The following ATF2 variants were observed in gnomAD, a reference collection of about 807,000 sequenced individuals.
ATF2 encodes the protein cyclic AMP-dependent transcription factor ATF-2.
A neutral mutation model predicts 60.6 loss-of-function variants in ATF2; 24 were observed. That is an observed-to-expected ratio of 0.40 (90% CI 0.29 to 0.56). The LOEUF is 0.56. Among genes scored for constraint, ATF2 ranks in the 20% least tolerant of loss-of-function variants. ATF2 has a pLI of 0.54. For missense variants in ATF2, 433 were observed against 607.7 expected (o/e 0.71, Z 3.02); for synonymous variants, 206 against 215.4 (o/e 0.96, Z 0.38).
chr2:175,131,349 C>T (rs1697712094), intron 3 of ATF2, among the ~76,000 whole-genome samples: 1 of 152,168 alleles, frequency 6.6e-6, no homozygotes, highest in Admixed American at 6.5e-5. Context: ...AACGGAAAAT[C>T]ATCAACTCTT....
chr2:175,161,174 G>A (rs1377684998), intron 1 of ATF2, among the ~76,000 whole-genome samples: 1 of 152,140 alleles, frequency 6.6e-6, no homozygotes, highest in Non-Finnish European at 1.5e-5. Flanking sequence ...AAAAAAATAT[G>A]AGACATTCTC....
Position 175,140,955 on chromosome 2 carries a change from C to A in ATF2, c.-43-4469G>T, listed in dbSNP as rs1427332319. Among the ~76,000 whole-genome samples the A allele has an allele frequency of 2.4e-5, 3 of 126,306 alleles. No homozygotes were observed. The East Asian group carries it at 7.5e-4, about 32-fold the overall frequency. 82.9% of individuals were successfully genotyped at this position (126,306 alleles called of 152,430 possible). On this transcript the variant is annotated intron_variant, in intron 2 of 13. Transcript: ENST00000264110. ...GAGACTGCAGTGAACTATGCTCTTGCCAATACACTCCAGCCTGGGGGATAG... is the reference window on the plus strand; with the variant it reads ...GAGACTGCAGTGAACTATGCTCTTGACAATACACTCCAGCCTGGGGGATAG...
intron 1 of ATF2, among the ~76,000 whole-genome samples, chr2:175,157,065 C>A (rs1422364052): frequency 6.6e-6 from 1 of 152,164 alleles, no homozygotes; most frequent in East Asian, 1.9e-4. Flanking sequence ...AAAGGGCATA[C>A]AATTTCCAGC....
At chr2:175,079,363 G>C (rs750929802) in intron 13 of ATF2, among the ~76,000 whole-genome samples, 14 of 151,982 alleles carry the variant, frequency 9.2e-5, no homozygotes, top group African/African-American at 3.1e-4. Flanking sequence ...AGAAAATCAC[G>C]TATGCATAAA....
intron 1 of ATF2, among the ~76,000 whole-genome samples, chr2:175,153,966 T>C (rs1283609639): frequency 6.6e-6 from 1 of 151,708 alleles, no homozygotes; most frequent in African/African-American, 2.4e-5. Context: ...ACGCCTGTAA[T>C]CCCAGCACTT....
intron 10 of ATF2, among the ~76,000 whole-genome samples, chr2:175,099,932 A>G (rs1237458721): frequency 6.6e-6 from 1 of 152,252 alleles, no homozygotes; most frequent in Non-Finnish European, 1.5e-5. Flanking sequence ...TCAAAAAACA[A>G]TCATAAGGAT....
chr2:175,101,855 A>G (rs1050652751), intron 10 of ATF2, among the ~76,000 whole-genome samples: 3 of 152,200 alleles, frequency 2.0e-5, no homozygotes, highest in Admixed American at 2.0e-4. Flanking sequence ...TATACAACAG[A>G]AGAAAAAGAT....
In ATF2 at chr2:175,145,380, T is replaced by C. The variant is rs1698880861; in HGVS notation, c.-44+5680A>G. Among the ~76,000 whole-genome samples, 3 of 152,256 alleles carry C rather than the reference T, an allele frequency of 2.0e-5. No homozygotes were observed. The South Asian group carries it at 6.2e-4, about 32-fold the overall frequency. On this transcript the variant is annotated intron_variant, in intron 2 of 13. Coordinates refer to ENST00000264110, the MANE Select transcript of ATF2 (RefSeq NM_001880.4). ...ACTCAGGAGATCTGATTTTTTAAAA[T>C]TGTGTGCCCCCTGCAACTCTCTTCC...
chr2:175,079,786 A>G (rs1339755959), intron 13 of ATF2, among the ~76,000 whole-genome samples: 1 of 152,172 alleles, frequency 6.6e-6, no homozygotes, highest in African/African-American at 2.4e-5. Context: ...GCAAATTAAA[A>G]TGAAGTGGAT....
intron 10 of ATF2, among the ~76,000 whole-genome samples, chr2:175,110,498 C>T (rs1388227246): frequency 1.3e-5 from 2 of 152,002 alleles, no homozygotes; most frequent in East Asian, 3.9e-4. Context: ...CTGTTGTTAG[C>T]CCTATTATGA....
chr2:175,119,196 G>C (rs1048082491), intron 5 of ATF2, among the ~76,000 whole-genome samples: 2 of 151,634 alleles, frequency 1.3e-5, no homozygotes, highest in African/African-American at 4.8e-5. Flanking sequence ...TATAAATTCT[G>C]CCTATTTAGT....
chr2:175,130,249 A>G (rs765745161), intron 3 of ATF2, 42 bp from the exon 4 acceptor site: 6 of 1,211,898 alleles, frequency 5.0e-6, no homozygotes, highest in Admixed American at 2.5e-5. Context: ...ATATTTTAAA[A>G]TAAAGAATAA....
At chr2:175,150,854 T>TA (rs1174334401) in intron 2 of ATF2, among the ~76,000 whole-genome samples, 4 of 152,170 alleles carry the variant, frequency 2.6e-5, no homozygotes, top group Admixed American at 2.0e-4. Flanking sequence ...ATTGTGCTTT[T>TA]ATATGCTCAC....
Position 175,074,639 on chromosome 2 carries a change from A to G in ATF2, c.1488T>C (p.Pro496=), listed in dbSNP as rs541449241. ...TTCCTGAGGGCTGTGACTGGGAGGAAGGAGCCATAACGATCTGTGAAAGAG... is the reference window on the plus strand; with the variant it reads ...TTCCTGAGGGCTGTGACTGGGAGGAGGGAGCCATAACGATCTGTGAAAGAG... ...EPALSQIVMA[P]SSQSQPSGS is the part of the protein sequence containing the mutation. The change falls in exon 14 of 14, where the codon CCT becomes CCC. Residue 496 remains proline, a synonymous_variant. Coordinates refer to ENST00000264110, the MANE Select transcript of ATF2 (RefSeq NM_001880.4). 3 of 1,613,020 alleles carry G rather than the reference A, an allele frequency of 1.9e-6. No homozygotes were observed. The highest frequency in any genetic ancestry group is 1.7e-4 in the Middle Eastern group (1 of 6,050).
intron 9 of ATF2, 98 bp from the exon 10 acceptor site, chr2:175,111,752 G>C: frequency 9.6e-7 from 1 of 1,041,310 alleles, no homozygotes; most frequent in Non-Finnish European, 1.4e-6. Flanking sequence ...TTAAGAATCA[G>C]AACATTGTAA....
chr2:175,140,902 CAGG>C (rs1698462144), intron 2 of ATF2, among the ~76,000 whole-genome samples: 1 of 142,828 alleles, frequency 7.0e-6, no homozygotes, highest in Admixed American at 7.2e-5. Flanking sequence ...GAGGCTGAGG[CAGG>C]AGAATCCCTT....
chr2:175,149,198 C>T (rs1443462678), intron 2 of ATF2, among the ~76,000 whole-genome samples: 1 of 152,160 alleles, frequency 6.6e-6, no homozygotes, highest in African/African-American at 2.4e-5. Flanking sequence ...ATCCTTCCTT[C>T]CCTTCCCACT....
At chr2:175,161,842 CCT>C (rs554478008) in intron 1 of ATF2, among the ~76,000 whole-genome samples, 2 of 152,044 alleles carry the variant, frequency 1.3e-5, no homozygotes, top group South Asian at 4.2e-4. Context: ...CTCACTGCAA[CCT>C]CTGCCTCCCA....
At chr2:175,133,365 C>G (rs1697885746) in intron 3 of ATF2, among the ~76,000 whole-genome samples, 1 of 152,106 alleles carries the variant, frequency 6.6e-6, no homozygotes. Flanking sequence ...CTGATTTGTA[C>G]AAATGCTCAA....
Sources: allele counts gnomAD v4.1 joint callset (sites outside exome capture counted in the v4.1 genomes callset), GRCh38; gene constraint gnomAD v4.1.1; transcripts MANE v1.5; gene names NCBI Gene and HGNC (gene_info 2026-07-23, HGNC 2026-07-21).